The following ADAM23 variants were observed in gnomAD, a reference collection of about 807,000 sequenced individuals.
ADAM23 encodes the protein ADAM metallopeptidase domain 23.
Under a neutral mutation model 120.1 loss-of-function variants are expected in ADAM23, and 33 were observed. The ratio of observed to expected loss-of-function variants is 0.27; its 90% CI spans 0.21 to 0.37. The LOEUF is 0.37. ADAM23 is among the 10% of genes least tolerant of loss of function. The pLI is 1.00. For missense variants in ADAM23, 862 were observed against 1,058.2 expected, an observed-to-expected ratio of 0.81 and a Z score of 2.57; for synonymous variants, 367 against 375.2, an observed-to-expected ratio of 0.98 and a Z score of 0.25.
chr2:206,477,018 A>AT (rs1695788947), intron 2 of ADAM23, among the ~76,000 whole-genome samples: 2 of 151,962 alleles, frequency 1.3e-5, no homozygotes, highest in South Asian at 2.1e-4. Flanking sequence ...ATATAGAGTT[A>AT]TTTTTCTTCT....
At chr2:206,557,072 A>G (rs963091581) in intron 9 of ADAM23, among the ~76,000 whole-genome samples, 1 of 152,082 alleles carries the variant, frequency 6.6e-6, no homozygotes, top group African/African-American at 2.4e-5. Flanking sequence ...ATTATTCAGA[A>G]CATCGTAGGT....
intron 3 of ADAM23, 35 bp from the exon 4 acceptor site, chr2:206,530,850 G>C (rs2105798203): frequency 6.3e-7 from 1 of 1,590,202 alleles, no homozygotes; most frequent in Non-Finnish European, 8.6e-7. Flanking sequence ...AAGTGTCTTA[G>C]ATGCAGAAAT....
chr2:206,560,990 G>A, intron 11 of ADAM23, 138 bp from the exon 12 acceptor site: 2 of 637,156 alleles, frequency 3.1e-6, no homozygotes, highest in South Asian at 3.9e-5. Flanking sequence ...AAATTTTAAG[G>A]TAGTTGAAAT....
At chr2:206,486,262 T>C (rs1001550746) in intron 3 of ADAM23, among the ~76,000 whole-genome samples, 5 of 152,148 alleles carry the variant, frequency 3.3e-5, no homozygotes, top group Non-Finnish European at 7.3e-5. Context: ...TTTTGTTTAG[T>C]GTTTCCTCTA....
At chr2:206,526,272 C>A (rs1412945488) in intron 3 of ADAM23, among the ~76,000 whole-genome samples, 1 of 152,038 alleles carries the variant, frequency 6.6e-6, no homozygotes, top group African/African-American at 2.4e-5. Flanking sequence ...AATATAATAG[C>A]AGCTCTGCTT....
intron 18 of ADAM23, among the ~76,000 whole-genome samples, chr2:206,575,594 AG>A (rs1698095811): frequency 2.6e-5 from 4 of 152,138 alleles, no homozygotes. Context: ...CTCCCAATAG[AG>A]TACACTTGGC....
At chr2:206,530,389 A>G (rs140899293) in intron 3 of ADAM23, among the ~76,000 whole-genome samples, 7 of 152,298 alleles carry the variant, frequency 4.6e-5, no homozygotes, top group East Asian at 3.9e-4. Flanking sequence ...TTCCTTGGTG[A>G]TTACATTTTA....
At chr2:206,583,283 T>C (rs1336302698) in intron 18 of ADAM23, among the ~76,000 whole-genome samples, 1 of 152,096 alleles carries the variant, frequency 6.6e-6, no homozygotes, top group Non-Finnish European at 1.5e-5. Context: ...TGAAACCCCG[T>C]CTCTACTAAA....
intron 13 of ADAM23, 98 bp from the exon 14 acceptor site, chr2:206,564,922 G>A: frequency 7.8e-7 from 1 of 1,288,022 alleles, no homozygotes; most frequent in Non-Finnish European, 1.1e-6. Flanking sequence ...CATGGAATTG[G>A]TAATAAAGAA....
intron 9 of ADAM23, among the ~76,000 whole-genome samples, chr2:206,553,962 A>ATT (rs1697587774): frequency 6.6e-6 from 1 of 152,280 alleles, no homozygotes; most frequent in East Asian, 1.9e-4. Context: ...TTTCTTAAGG[A>ATT]TTGCATGTGT....
At chr2:206,566,159 A>G (rs1321462921) in intron 14 of ADAM23, among the ~76,000 whole-genome samples, 1 of 149,988 alleles carries the variant, frequency 6.7e-6, no homozygotes, top group Non-Finnish European at 1.5e-5. Flanking sequence ...AAGTTTTTAC[A>G]ATGACTCTTC....
At chr2:206,505,155 A>G (rs1696470725) in intron 3 of ADAM23, among the ~76,000 whole-genome samples, 1 of 152,212 alleles carries the variant, frequency 6.6e-6, no homozygotes, top group Admixed American at 6.5e-5. Flanking sequence ...TAAAGCTTCT[A>G]AAATGGTAGT....
At chr2:206,556,558 T>C (rs915646780) in intron 9 of ADAM23, among the ~76,000 whole-genome samples, 3 of 152,130 alleles carry the variant, frequency 2.0e-5, no homozygotes, top group African/African-American at 7.2e-5. Context: ...GAGGGCATGA[T>C]TTTCCTATGG....
At chr2:206,516,794 A>G (rs997612283) in intron 3 of ADAM23, among the ~76,000 whole-genome samples, 6 of 152,092 alleles carry the variant, frequency 3.9e-5, no homozygotes, top group Non-Finnish European at 5.9e-5. Flanking sequence ...GAACTAGTGT[A>G]AAAAGAAAAG....
chr2:206,587,438 C>A, intron 19 of ADAM23, 63 bp downstream of exon 19: 2 of 1,271,186 alleles, frequency 1.6e-6, no homozygotes, highest in South Asian at 1.4e-5. Flanking sequence ...TTTTTTTTTC[C>A]TTTTTTGATA....
chr2:206,552,735 C>G (rs1019136529), intron 9 of ADAM23, among the ~76,000 whole-genome samples: 11 of 152,148 alleles, frequency 7.2e-5, no homozygotes, highest in African/African-American at 2.7e-4. Flanking sequence ...AATCTCATCT[C>G]GGCGCAACCT....
At chr2:206,544,998 A>G (rs1697366031) in intron 6 of ADAM23, among the ~76,000 whole-genome samples, 1 of 152,028 alleles carries the variant, frequency 6.6e-6, no homozygotes, top group Non-Finnish European at 1.5e-5. Context: ...GCTTTGAGGA[A>G]CCTGACAGGG....
chr2:206,544,458 T>C (rs1697354223), intron 6 of ADAM23, among the ~76,000 whole-genome samples: 1 of 152,140 alleles, frequency 6.6e-6, no homozygotes, highest in African/African-American at 2.4e-5. Flanking sequence ...CTGGGGATAC[T>C]TTGGTGACAA....
chr2:206,497,151 A>T (rs1696270395), intron 3 of ADAM23, among the ~76,000 whole-genome samples: 2 of 152,264 alleles, frequency 1.3e-5, no homozygotes, highest in Non-Finnish European at 2.9e-5. Flanking sequence ...AACTCATTTT[A>T]TGAGGCCAGC....
Sources: allele counts gnomAD v4.1 joint callset (sites outside exome capture counted in the v4.1 genomes callset), GRCh38; gene constraint gnomAD v4.1.1; transcripts MANE v1.5; gene names NCBI Gene and HGNC (gene_info 2026-07-23, HGNC 2026-07-21).